The following ZNRF3 variants were observed in gnomAD, a reference collection of about 807,000 sequenced individuals.
ZNRF3 encodes the protein E3 ubiquitin-protein ligase ZNRF3.
ZNRF3 carries 23 observed loss-of-function variants against 72.5 expected under a neutral mutation model. The observed-to-expected ratio is 0.32, with a 90% CI of 0.23 to 0.45. The LOEUF (loss-of-function observed/expected upper bound fraction) is 0.45. ZNRF3 is among the 20% of genes least tolerant of loss of function. The pLI, the probability that ZNRF3 is intolerant of heterozygous loss-of-function variation, is 1.00. For missense variants in ZNRF3, 1,169 were observed against 1,272.1 expected (o/e 0.92, Z 1.23); for synonymous variants, 610 against 545.3 (o/e 1.12, Z -1.65).
chr22:28,967,745 A>G (rs939597121), intron 1 of ZNRF3, among the ~76,000 whole-genome samples: 2 of 151,628 alleles, frequency 1.3e-5, no homozygotes, highest in African/African-American at 4.9e-5. Context: ...TAGACAACAT[A>G]GTGAAACCCA....
chr22:28,900,422 A>G (rs1427184078), intron 1 of ZNRF3, among the ~76,000 whole-genome samples: 1 of 152,226 alleles, frequency 6.6e-6, no homozygotes, highest in Non-Finnish European at 1.5e-5. Flanking sequence ...GGTGCCTTGC[A>G]TGATTAATTC....
Position 29,050,158 on chromosome 22 carries a change from C to T in ZNRF3, c.1977C>T (p.Ser659=), listed in dbSNP as rs1486070722. 1.2e-6 allele frequency: 2 copies of T among 1,603,892 alleles called. No homozygotes were observed. The highest frequency in any genetic ancestry group is 2.7e-5 in the African/African-American group (2 of 74,928). The change falls in exon 8 of 9, where the codon TCC becomes TCT. Residue 659 remains serine, a synonymous_variant. Transcript: ENST00000544604. ...CCTCTCCCTCGGGGGATCAGGTGTC[C>T]ACCTGCAGCCTGGAGATGAACTACA... The part of the protein sequence containing the change: ...GPASPSGDQV[S]TCSLEMNYSS...
chr22:28,980,984 A>C lies in ZNRF3; in HGVS notation c.301-6092A>C, dbSNP rs117898841. 3.7e-3 allele frequency among the ~76,000 whole-genome samples: 558 copies of C among 152,356 alleles called. 12 individuals are homozygous for C. The East Asian group carries it at 0.05, about 14-fold the overall frequency. ...GACTAGGAAAGCCCTACCCATCCAA[A>C]TATTTTAAGAAAATAAACTCAGAAA... On this transcript the variant is annotated intron_variant, in intron 1 of 8. Transcript: ENST00000544604.
At position 29,056,293 on chromosome 22, in the gene ZNRF3, G is replaced by T. The variant is rs5762962; in HGVS notation, c.*2671G>T. 6.6e-6 allele frequency: 1 copy of T among 152,010 alleles called. No homozygotes were observed. The highest frequency in any genetic ancestry group is 1.5e-5 in the Non-Finnish European group (1 of 68,050). The allele number at this position is 152,010 out of a possible 1,614,324, so 9.4% of individuals were successfully genotyped here. ...ATTTTGTATTTTTGGTAGAGACAGG[G>T]TATCTCCATGTTGGTCAGGCTGGTC... On this transcript the variant is annotated 3_prime_UTR_variant, in exon 9 of 9. Transcript: ENST00000544604.
chr22:28,960,927 C>T (rs2035347421), intron 1 of ZNRF3, among the ~76,000 whole-genome samples: 2 of 152,242 alleles, frequency 1.3e-5, no homozygotes, highest in African/African-American at 2.4e-5. Flanking sequence ...GCTCACTTAA[C>T]CACATCATCT....
chr22:29,024,628 G>A (rs1240069491), intron 2 of ZNRF3, among the ~76,000 whole-genome samples: 1 of 151,996 alleles, frequency 6.6e-6, no homozygotes, highest in Non-Finnish European at 1.5e-5. Flanking sequence ...CATGAGAAGA[G>A]GCACTAGATC....
At chr22:29,011,210 G>A (rs759528474) in intron 2 of ZNRF3, among the ~76,000 whole-genome samples, 21 of 152,202 alleles carry the variant, frequency 1.4e-4, no homozygotes, top group Non-Finnish European at 2.4e-4. Flanking sequence ...CTAGGCTCTT[G>A]GGGTCTTGAT....
intron 1 of ZNRF3, among the ~76,000 whole-genome samples, chr22:28,986,061 C>T (rs1042523868): frequency 2.4e-4 from 37 of 152,346 alleles, no homozygotes; most frequent in African/African-American, 8.9e-4. Flanking sequence ...CTTATAAGGA[C>T]CTTTGTGATT....
rs763072522 is a variant in ZNRF3 at position 29,049,565 on chromosome 22, T to G, written c.1384T>G (p.Phe462Val). The G allele has an allele frequency of 8.7e-6, 14 of 1,605,418 alleles. No homozygotes were observed. Among genetic ancestry groups the G allele is most frequent in the Non-Finnish European group, 1.2e-5 (14 of 1,177,270 alleles). ...SGRSFSKAAC[F>V]SQYETMYQHY... ...CCGCAGCTTCTCCAAGGCAGCTTGC[T>G]TCTCCCAGTATGAGACCATGTACCA... The change falls in exon 8 of 9, where the codon TTC becomes GTC. Residue 462 changes from phenylalanine to valine, a missense_variant. Transcript: ENST00000544604. This position sits in a 1 kb window ranked among gnomAD's most constrained non-coding sequence, Gnocchi z 5.2.
chr22:28,924,223 G>T (rs2034560779), intron 1 of ZNRF3, among the ~76,000 whole-genome samples: 1 of 152,248 alleles, frequency 6.6e-6, no homozygotes, highest in Non-Finnish European at 1.5e-5. Context: ...CTCTGGCCTG[G>T]TGGGTCCATG....
chr22:28,972,739 G>A (rs187183142), intron 1 of ZNRF3, among the ~76,000 whole-genome samples: 1 of 152,168 alleles, frequency 6.6e-6, no homozygotes, highest in Non-Finnish European at 1.5e-5. Flanking sequence ...AGTGTTTGAG[G>A]GTTCTAATTA....
Position 29,050,760 on chromosome 22 carries a change from G to A in ZNRF3, c.2579G>A (p.Gly860Asp), listed in dbSNP as rs2037189185. The A allele has an allele frequency of 6.2e-7, 1 of 1,607,832 alleles. No individual in the cohort carries two copies. The highest frequency in any genetic ancestry group is 8.5e-7 in the Non-Finnish European group (1 of 1,177,482). Residue 860 changes from glycine (G) to aspartate (D), a missense_variant, in exon 8 of 9, where the codon GGC becomes GAC. Gly to Asp is a moderately conservative substitution (Grantham distance 94). This residue lies in a region of ZNRF3 where 783 missense variants were observed against 731.4 expected (regional missense o/e 1.07). Coordinates refer to ENST00000544604, the MANE Select transcript of ZNRF3 (RefSeq NM_001206998.2). ...CTCGGCTCCTGGGGTGGGACGCGAG[G>A]CCCGGATACCCCACGGCCCCACAGG... ...HSLGSWGGTR[G>D]PDTPRPHRGL...
At chr22:28,928,015 A>G (rs931290587) in intron 1 of ZNRF3, among the ~76,000 whole-genome samples, 4 of 152,218 alleles carry the variant, frequency 2.6e-5, no homozygotes, top group African/African-American at 9.6e-5. Context: ...CACAGGCTTT[A>G]AATAATGAAG....
At chr22:28,929,932 A>G (rs2034675090) in intron 1 of ZNRF3, among the ~76,000 whole-genome samples, 1 of 152,238 alleles carries the variant, frequency 6.6e-6, no homozygotes, top group Admixed American at 6.5e-5. Context: ...GCCTTGATGT[A>G]TCGTTTAAAA....
intron 1 of ZNRF3, among the ~76,000 whole-genome samples, chr22:28,965,415 G>A (rs1403077503): frequency 2.0e-4 from 30 of 152,118 alleles, no homozygotes; most frequent in Admixed American, 2.0e-3. Flanking sequence ...TTTTTATGTA[G>A]ATGAGGAAGC....
At chr22:28,919,613 C>T (rs867390873) in intron 1 of ZNRF3, among the ~76,000 whole-genome samples, 15 of 151,196 alleles carry the variant, frequency 9.9e-5, no homozygotes, top group African/African-American at 3.4e-4. Flanking sequence ...GATCTTGGCT[C>T]ACTGCACCTC....
At chr22:28,946,889 T>C (rs901415664) in intron 1 of ZNRF3, among the ~76,000 whole-genome samples, 4 of 152,214 alleles carry the variant, frequency 2.6e-5, no homozygotes, top group Admixed American at 1.3e-4. Flanking sequence ...GATCACAACC[T>C]GACAGGCCTT....
intron 8 of ZNRF3, among the ~76,000 whole-genome samples, chr22:29,052,521 C>T (rs941262318): frequency 5.9e-5 from 9 of 152,118 alleles, no homozygotes; most frequent in African/African-American, 7.2e-5. Context: ...GGCGAAACCC[C>T]GTCTCTAATA....
intron 1 of ZNRF3, among the ~76,000 whole-genome samples, chr22:28,893,039 C>T (rs1218112303): frequency 2.6e-5 from 4 of 151,896 alleles, no homozygotes; most frequent in African/African-American, 4.8e-5. Flanking sequence ...TGGTGGCGGG[C>T]GCCTGTAGTC....
Sources: allele counts gnomAD v4.1 joint callset (sites outside exome capture counted in the v4.1 genomes callset), GRCh38; gene constraint gnomAD v4.1.1; regional missense constraint gnomAD v4.1.1; non-coding constraint Gnocchi (gnomAD v3.1); transcripts MANE v1.5; gene names NCBI Gene and HGNC (gene_info 2026-07-23, HGNC 2026-07-21).